GRIA4: variants seen among roughly 807,000 people sequenced by gnomAD.
GRIA4 encodes glutamate receptor 4.
Under a neutral mutation model 104.0 loss-of-function variants are expected in GRIA4, and 34 were observed. The ratio of observed to expected loss-of-function variants is 0.33; its 90% CI spans 0.25 to 0.44. GRIA4 has a LOEUF of 0.44. Ranked by LOEUF, GRIA4 falls within the 20% of genes least tolerant of loss-of-function variation. The pLI is 1.00. For missense variants in GRIA4, 750 were observed against 1,096.5 expected (o/e 0.68, Z 4.46); for synonymous variants, 386 against 381.9 (o/e 1.01, Z -0.13).
At chr11:105,806,345 T>C (rs1203442233) in intron 4 of GRIA4, among the ~76,000 whole-genome samples, 2 of 151,684 alleles carry the variant, frequency 1.3e-5, no homozygotes, top group African/African-American at 2.4e-5. Flanking sequence ...AACAGAGAGA[T>C]AGAACAAAGG....
intron 3 of GRIA4, among the ~76,000 whole-genome samples, chr11:105,655,514 G>C (rs979865159): frequency 3.3e-5 from 5 of 151,972 alleles, no homozygotes; most frequent in Non-Finnish European, 7.4e-5. Flanking sequence ...ACAGGCCCGG[G>C]TGTGTGATAT....
Position 105,720,546 on chromosome 11 carries a change from G to A in GRIA4, c.248-32435G>A, listed in dbSNP as rs185680361. On this transcript the variant is annotated intron_variant, in intron 3 of 16. Coordinates refer to ENST00000282499, the MANE Select transcript of GRIA4 (RefSeq NM_000829.4). Reference sequence around the variant, plus strand: ...CAAAATATGTCCATAGCTAAAAAGCGCAATTTATGATGCCATTAAGGACCA... The same window carrying A: ...CAAAATATGTCCATAGCTAAAAAGCACAATTTATGATGCCATTAAGGACCA... 2.1e-3 allele frequency among the ~76,000 whole-genome samples: 324 copies of A among 152,284 alleles called. 1 individual carries two copies. In the Middle Eastern group the frequency reaches 0.027, roughly 13 times the overall value.
At chr11:105,803,428 A>G (rs1488722763) in intron 4 of GRIA4, among the ~76,000 whole-genome samples, 1 of 151,994 alleles carries the variant, frequency 6.6e-6, no homozygotes, top group Non-Finnish European at 1.5e-5. Flanking sequence ...ATATATACAT[A>G]TAAAATTTTA....
intron 4 of GRIA4, among the ~76,000 whole-genome samples, chr11:105,848,832 A>G (rs1322450073): frequency 1.3e-5 from 2 of 152,278 alleles, no homozygotes; most frequent in African/African-American, 4.8e-5. Context: ...GGTTGTGTGG[A>G]GAGTGCAGCT....
chr11:105,947,554 A>C (rs2136234782), intron 14 of GRIA4, among the ~76,000 whole-genome samples: 1 of 152,346 alleles, frequency 6.6e-6, no homozygotes, highest in South Asian at 2.1e-4. Flanking sequence ...TTTGGATAAC[A>C]GAGCATTGAA....
rs545692419 is a variant in GRIA4 at position 105,761,907 on chromosome 11, T to C, written c.487+8687T>C. Among the ~76,000 whole-genome samples the C allele has an allele frequency of 5.3e-5, 8 of 152,370 alleles. No individual in the cohort carries two copies. In the East Asian group the frequency reaches 1.5e-3, roughly 29 times the overall value. On this transcript the variant is annotated intron_variant, in intron 4 of 16. Coordinates refer to ENST00000282499, the MANE Select transcript of GRIA4 (RefSeq NM_000829.4). ...TGTGATTATTTAAAAGGTTAACCTG[T>C]GTTAAATTGAAAATTCACTAATGTG...
intron 9 of GRIA4, among the ~76,000 whole-genome samples, chr11:105,908,601 A>T (rs1418146438): frequency 6.8e-6 from 1 of 147,306 alleles, no homozygotes; most frequent in Non-Finnish European, 1.5e-5. Flanking sequence ...AGAATTGCAT[A>T]TAGGTATAAG....
At chr11:105,927,743 G>A (rs903821901) in intron 13 of GRIA4, among the ~76,000 whole-genome samples, 1 of 151,332 alleles carries the variant, frequency 6.6e-6, no homozygotes, top group Non-Finnish European at 1.5e-5. Flanking sequence ...TAAATCCAGA[G>A]CTATACATTT....
chr11:105,864,195 A>T (rs780274481), intron 5 of GRIA4, among the ~76,000 whole-genome samples: 10 of 152,214 alleles, frequency 6.6e-5, no homozygotes, highest in Non-Finnish European at 1.0e-4. Context: ...TTTTCCTCCA[A>T]GAAAAGCTGT....
Position 105,979,934 on chromosome 11 carries a change from A to T in GRIA4, c.*195A>T. ...GCTCAGCTCGGAAACCCAAACTCAG[A>T]TTTTATATCAGGAAAACTCACAATT... is the stretch of plus-strand genomic sequence containing the variant. On this transcript the variant is annotated 3_prime_UTR_variant, in exon 17 of 17. Transcript: ENST00000282499. 2.6e-5 allele frequency: 11 copies of T among 426,208 alleles called. No homozygotes were observed. Among genetic ancestry groups the T allele is most frequent in the South Asian group, 4.1e-5 (1 of 24,630 alleles). 26.4% of individuals were successfully genotyped at this position (426,208 alleles called of 1,614,324 possible).
At chr11:105,914,306 T>C (rs911015654) in intron 10 of GRIA4, among the ~76,000 whole-genome samples, 3 of 151,964 alleles carry the variant, frequency 2.0e-5, no homozygotes, top group African/African-American at 4.8e-5. Flanking sequence ...TCTACATCCA[T>C]TAAGATTTTT....
At chr11:105,723,677 G>A (rs1937991364) in intron 3 of GRIA4, among the ~76,000 whole-genome samples, 1 of 152,024 alleles carries the variant, frequency 6.6e-6, no homozygotes, top group Non-Finnish European at 1.5e-5. Context: ...ACTAATCATT[G>A]CTCGCTTCAA....
At chr11:105,614,639 C>A (rs763828417) in intron 3 of GRIA4, among the ~76,000 whole-genome samples, 1 of 151,644 alleles carries the variant, frequency 6.6e-6, no homozygotes, top group Admixed American at 6.6e-5. Context: ...ATTGATTTTG[C>A]GTATGTTTAA....
At chr11:105,927,308 T>A (rs1405530371) in intron 13 of GRIA4, among the ~76,000 whole-genome samples, 4 of 152,110 alleles carry the variant, frequency 2.6e-5, no homozygotes, top group African/African-American at 9.7e-5. Flanking sequence ...AAACTTGACG[T>A]TTGAAGAATA....
At chr11:105,690,822 C>T (rs1953057227) in intron 3 of GRIA4, among the ~76,000 whole-genome samples, 2 of 152,052 alleles carry the variant, frequency 1.3e-5, no homozygotes, top group South Asian at 4.1e-4. Flanking sequence ...ATTTCAGATT[C>T]TGCTCACTTT....
chr11:105,831,566 T>C (rs1943979046), intron 4 of GRIA4, among the ~76,000 whole-genome samples: 1 of 152,062 alleles, frequency 6.6e-6, no homozygotes, highest in South Asian at 2.1e-4. Flanking sequence ...ATCCTTCCTG[T>C]GTTACAATAT....
intron 4 of GRIA4, among the ~76,000 whole-genome samples, chr11:105,786,602 C>A (rs1370983407): frequency 6.6e-6 from 1 of 152,082 alleles, no homozygotes; most frequent in Non-Finnish European, 1.5e-5. Context: ...TAGTACATAA[C>A]CTAGTCTTTC....
intron 13 of GRIA4, among the ~76,000 whole-genome samples, chr11:105,933,417 A>G (rs1029235367): frequency 6.6e-6 from 1 of 152,120 alleles, no homozygotes; most frequent in African/African-American, 2.4e-5. Context: ...GGCAGTCTAC[A>G]TAGAAAAAAA....
At chr11:105,895,710 G>A (rs917190763) in intron 6 of GRIA4, among the ~76,000 whole-genome samples, 1 of 152,054 alleles carries the variant, frequency 6.6e-6, no homozygotes, top group Non-Finnish European at 1.5e-5. Context: ...GGCAAGAAGG[G>A]ATAGTATCCT....
Sources: gnomAD v4.1 joint callset for allele counts (sites outside exome capture counted in the v4.1 genomes callset) on GRCh38, gnomAD v4.1.1 for gene constraint, MANE v1.5 for transcripts, NCBI Gene and HGNC (gene_info 2026-07-23, HGNC 2026-07-21) for gene names.